Variants in PTPRT observed in about 807,000 individuals in gnomAD.
PTPRT encodes the protein protein tyrosine phosphatase receptor type T.
PTPRT carries 56 observed loss-of-function variants against 176.8 expected under a neutral mutation model. That is an observed-to-expected ratio of 0.32 (90% confidence interval 0.26 to 0.40). The LOEUF (loss-of-function observed/expected upper bound fraction) is 0.40. Ranked by LOEUF, PTPRT falls within the 10% of genes least tolerant of loss-of-function variation. The probability of loss-of-function intolerance (pLI) is 1.00; values close to 1 mark genes in which losing one functional copy is unlikely to be tolerated. For missense variants in PTPRT, 1,540 were observed against 1,908.2 expected (o/e 0.81, Z 3.60); for synonymous variants, 783 against 739.0 (o/e 1.06, Z -0.96).
chr20:42,299,464 A>T (rs900272116), intron 12 of PTPRT, among the ~76,000 whole-genome samples: 2 of 152,134 alleles, frequency 1.3e-5, no homozygotes, highest in African/African-American at 2.4e-5. Context: ...TTTTGCTAAG[A>T]TTAATATTTC....
intron 9 of PTPRT, among the ~76,000 whole-genome samples, chr20:42,427,570 A>T (rs1288354466): frequency 6.6e-6 from 1 of 152,114 alleles, no homozygotes; most frequent in Non-Finnish European, 1.5e-5. Context: ...AGCATCTTTC[A>T]TAAGAGCACT....
chr20:42,812,071 C>CT (rs68149991), intron 2 of PTPRT, among the ~76,000 whole-genome samples: 138,678 of 150,530 alleles, frequency 0.92, 64,095 homozygotes, highest in South Asian at 0.97. Flanking sequence ...GACAACTTGA[C>CT]TTTTTTTTTC....
In PTPRT at chr20:42,334,304, G is replaced by A. The variant is rs1468878215; in HGVS notation, c.1865+16324C>T. On this transcript the variant is annotated intron_variant, in intron 11 of 30. Coordinates refer to ENST00000373187, the MANE Select transcript of PTPRT (RefSeq NM_007050.6). ...TAGATGCCAGTATCACCTCCGACTT[G>A]TAATAAACAAAAATATGTCCTGACA... is the stretch of plus-strand genomic sequence containing the variant. Among the ~76,000 whole-genome samples the A allele has an allele frequency of 2.0e-5, 3 of 152,168 alleles. No individual in the cohort carries two copies. The East Asian group carries it at 5.8e-4, about 29-fold the overall frequency.
intron 9 of PTPRT, among the ~76,000 whole-genome samples, chr20:42,378,433 T>G (rs917186399): frequency 3.9e-5 from 6 of 152,210 alleles, no homozygotes; most frequent in African/African-American, 1.4e-4. Context: ...CCTGATGCCC[T>G]ATTTTACTCT....
intron 9 of PTPRT, among the ~76,000 whole-genome samples, chr20:42,397,580 C>T (rs190097822): frequency 2.5e-4 from 38 of 152,278 alleles, no homozygotes; most frequent in Admixed American, 1.8e-3. Context: ...TTTAAGTTAA[C>T]GGCTTTCAGT....
chr20:42,903,311 TCTGA>T (rs543385341), intron 1 of PTPRT, among the ~76,000 whole-genome samples: 306 of 152,340 alleles, frequency 2.0e-3, no homozygotes, highest in African/African-American at 7.0e-3. Context: ...AGTTGTGGAT[TCTGA>T]CTGTTTTCCT....
At position 42,240,686 on chromosome 20, in the gene PTPRT, T is replaced by TCATGCATG. The variant is rs1298216758; in HGVS notation, c.2313-4436_2313-4429dup. 2.1e-4 allele frequency among the ~76,000 whole-genome samples: 26 copies of TCATGCATG among 121,106 alleles called. No homozygotes were observed. In the South Asian group the frequency reaches 5.5e-3, roughly 26 times the overall value. The allele number at this position is 121,106 out of a possible 152,430, so 79.5% of individuals were successfully genotyped here. ...TCCATCCATGAACCTATCCATGCAT[T>TCATGCATG]CATGCATGCATGCATGCATGCATCC... is the stretch of plus-strand genomic sequence containing the variant. On this transcript the variant is annotated intron_variant, in intron 14 of 30. Coordinates refer to ENST00000373187, the MANE Select transcript of PTPRT (RefSeq NM_007050.6).
chr20:42,159,249 T>C (rs1429239353), intron 17 of PTPRT, among the ~76,000 whole-genome samples: 34 of 151,750 alleles, frequency 2.2e-4, no homozygotes, highest in Admixed American at 2.2e-3. Flanking sequence ...CCACCTCCCA[T>C]ACTTCCAGTT....
intron 2 of PTPRT, among the ~76,000 whole-genome samples, chr20:42,815,472 A>C (rs76742146): frequency 0.016 from 2,445 of 152,352 alleles, 73 homozygotes; most frequent in African/African-American, 0.056. Flanking sequence ...CCAGTAGCAA[A>C]GTAAGTTTAC....
intron 1 of PTPRT, among the ~76,000 whole-genome samples, chr20:43,147,373 A>G (rs1281628051): frequency 6.6e-6 from 1 of 152,176 alleles, no homozygotes; most frequent in Non-Finnish European, 1.5e-5. Context: ...TGCACAGTAG[A>G]AACTCAATAA....
At chr20:43,043,348 A>C (rs935620931) in intron 1 of PTPRT, among the ~76,000 whole-genome samples, 2 of 152,228 alleles carry the variant, frequency 1.3e-5, no homozygotes, top group Non-Finnish European at 2.9e-5. Context: ...CTGAGAAAAA[A>C]AGAAAGACAA....
intron 7 of PTPRT, among the ~76,000 whole-genome samples, chr20:42,542,901 C>A (rs547384078): frequency 6.6e-6 from 1 of 152,160 alleles, no homozygotes; most frequent in Non-Finnish European, 1.5e-5. Context: ...GTTATGTGTA[C>A]ACTATAGTCT....
intron 15 of PTPRT, among the ~76,000 whole-genome samples, chr20:42,210,987 C>A (rs1019579486): frequency 6.6e-6 from 1 of 151,730 alleles, no homozygotes; most frequent in Non-Finnish European, 1.5e-5. Context: ...TCAGAAATAA[C>A]GCCGCATATC....
intron 11 of PTPRT, among the ~76,000 whole-genome samples, chr20:42,336,872 T>C (rs894406276): frequency 6.6e-6 from 1 of 152,140 alleles, no homozygotes; most frequent in African/African-American, 2.4e-5. Flanking sequence ...CCCTGATGTG[T>C]TTAGACTAGG....
chr20:42,962,293 A>G (rs895873118), intron 1 of PTPRT, among the ~76,000 whole-genome samples: 18 of 152,188 alleles, frequency 1.2e-4, no homozygotes, highest in African/African-American at 4.1e-4. Context: ...TTCCATAGAG[A>G]GTTCAAAGAG....
intron 11 of PTPRT, among the ~76,000 whole-genome samples, chr20:42,317,956 T>C (rs1299207920): frequency 6.6e-6 from 1 of 152,128 alleles, no homozygotes. Context: ...TCTCAAGAAA[T>C]GCACACTACA....
chr20:42,074,395 G>C lies in PTPRT; in HGVS notation c.*6484C>G, dbSNP rs1982575085. On this transcript the variant is annotated 3_prime_UTR_variant, in exon 31 of 31. Coordinates refer to ENST00000373187, the MANE Select transcript of PTPRT (RefSeq NM_007050.6). The stretch of plus-strand genomic sequence containing the variant: ...ACATCCAAGAGTCCTGCTCACTAAG[G>C]AACCATGAACTACATTAATTACCCT... 1 of 244,558 alleles carries C rather than the reference G, an allele frequency of 4.1e-6. No homozygotes were observed. The highest frequency in any genetic ancestry group is 7.9e-6 in the Non-Finnish European group (1 of 126,434). 15.1% of individuals were successfully genotyped at this position (244,558 alleles called of 1,614,324 possible).
At chr20:42,082,497 C>G (rs568239289) in intron 29 of PTPRT, among the ~76,000 whole-genome samples, 2 of 152,338 alleles carry the variant, frequency 1.3e-5, no homozygotes, top group South Asian at 4.1e-4. Context: ...GATTTTCCTA[C>G]TAGTTCTTCC....
chr20:42,051,728 T>C, the PTPRT span, among the ~76,000 whole-genome samples: 2 of 152,358 alleles, frequency 1.3e-5, no homozygotes, highest in East Asian at 3.9e-4. Context: ...ACGTCAATCA[T>C]TGGTGCATGT....
Sources: gnomAD v4.1 joint callset for allele counts (sites outside exome capture counted in the v4.1 genomes callset) on GRCh38, gnomAD v4.1.1 for gene constraint, MANE v1.5 for transcripts, NCBI Gene and HGNC (gene_info 2026-07-23, HGNC 2026-07-21) for gene names.